The following RPSA variants were observed in gnomAD, a reference collection of about 807,000 sequenced individuals.
RPSA encodes the protein ribosomal protein SA.
For missense variants in RPSA, 140 were observed against 372.8 expected, an observed-to-expected ratio of 0.38 and a Z score of 5.14; for synonymous variants, 103 against 126.7, an observed-to-expected ratio of 0.81 and a Z score of 1.25.
At chr3:39,409,037 A>G in intron 3 of RPSA, 2 of 278,390 alleles carry the variant, frequency 7.2e-6, no homozygotes, top group Non-Finnish European at 1.4e-5. Context: ...GTGAGCTGAG[A>G]TGCGCCACTG....
In RPSA at chr3:39,407,646, T is replaced by C. The variant is rs1803893; in HGVS notation, c.-8T>C. ...ATTCCCGTCGTAACTTAAAGGGAAA[T>C]TTTCACAATGTCCGGAGCCCTTGAT... On this transcript the variant is annotated 5_prime_UTR_variant, in exon 2 of 7. Coordinates refer to ENST00000301821, the MANE Select transcript of RPSA (RefSeq NM_002295.6). 774,832 of 1,581,046 alleles carry C rather than the reference T, an allele frequency of 0.49. 193,633 individuals carry two copies. Among genetic ancestry groups the C allele is most frequent in the African/African-American group, 0.53 (39,662 of 74,600 alleles).
Position 39,410,978 on chromosome 3 carries a change from T to C in RPSA, c.477T>C (p.Ile159=). ...ATTCTCCTCTGCGCTATGTGGACAT[T>C]GCCATCCCATGCAACAACAAGGTAA... The part of the protein sequence containing the change: ...NTDSPLRYVD[I]AIPCNNKGAH... Residue 159 remains isoleucine (I), a synonymous_variant, in exon 4 of 7, where the codon ATT becomes ATC. Transcript: ENST00000301821. 6.3e-7 allele frequency: 1 copy of C among 1,599,682 alleles called. No individual in the cohort carries two copies. Among genetic ancestry groups the C allele is most frequent in the South Asian group, 1.1e-5 (1 of 91,080 alleles).
rs752449035 is a variant in RPSA, at chr3:39,411,164, C to G, written c.498+165C>G. The G allele has an allele frequency of 1.4e-4, 114 of 813,222 alleles. No individual in the cohort carries two copies. In the East Asian group the frequency reaches 2.7e-3, roughly 20 times the overall value. 50.4% of individuals were successfully genotyped at this position (813,222 alleles called of 1,614,324 possible). ...GTTTTCGCTAACACCACAAGGGTCT[C>G]TGGCCCAATGAGTGGAGTTTGATAG... On this transcript the variant is annotated intron_variant, in intron 4 of 6. Coordinates refer to ENST00000301821, the MANE Select transcript of RPSA (RefSeq NM_002295.6).
At chr3:39,410,587 A>G (rs945389558) in intron 3 of RPSA, 167 bp from the exon 4 acceptor site, 9 of 742,766 alleles carry the variant, frequency 1.2e-5, no homozygotes, top group African/African-American at 1.0e-4. Flanking sequence ...TTTTTAATGT[A>G]TGCAGGAAAT....
chr3:39,411,185 G>C lies in RPSA; in HGVS notation c.498+186G>C, dbSNP rs139033405. On this transcript the variant is annotated intron_variant, in intron 4 of 6. Transcript: ENST00000301821. ...GTCTCTGGCCCAATGAGTGGAGTTT[G>C]ATAGTAATTCTTGCTACAAGTATAA... 2.8e-4 allele frequency: 213 copies of C among 773,518 alleles called. No individual in the cohort carries two copies. The African/African-American group carries it at 3.4e-3, about 12-fold the overall frequency. The allele number at this position is 773,518 out of a possible 1,614,324, so 47.9% of individuals were successfully genotyped here.
At chr3:39,411,029 A>G (rs1164619329) in intron 4 of RPSA, 30 bp downstream of exon 4, 2 of 1,598,734 alleles carry the variant, frequency 1.3e-6, no homozygotes, top group East Asian at 4.5e-5. Flanking sequence ...GAGTTTGTGA[A>G]TGCGTGCTCT....
At chr3:39,410,699 G>A (rs2041993255) in intron 3 of RPSA, 55 bp from the exon 4 acceptor site, 3 of 1,612,194 alleles carry the variant, frequency 1.9e-6, no homozygotes, top group Non-Finnish European at 2.5e-6. Flanking sequence ...CTTACTGGGT[G>A]CCAGGATTGT....
intron 3 of RPSA, chr3:39,410,243 A>G (rs541187130): frequency 1.3e-5 from 2 of 158,534 alleles, no homozygotes; most frequent in African/African-American, 2.4e-5. Context: ...TTCTGTTGAG[A>G]AAACTAGTAG....
intron 2 of RPSA, chr3:39,408,008 G>C (rs2041944744): frequency 7.8e-6 from 4 of 514,184 alleles, no homozygotes. Flanking sequence ...GACTTGGGTT[G>C]GGTCATGAAC....
At chr3:39,407,890 A>G (rs1451869481) in intron 2 of RPSA, 104 bp downstream of exon 2, 9 of 824,338 alleles carry the variant, frequency 1.1e-5, no homozygotes, top group South Asian at 1.6e-5. Flanking sequence ...TCTTCCTTAA[A>G]TGAAGCCAGA....
chr3:39,412,290 G>C lies in RPSA; in HGVS notation c.810G>C (p.Gln270His). Residue 270 changes from glutamine to histidine, a missense_variant, in exon 7 of 7, where the codon CAG becomes CAC. By Grantham distance (24) the Gln-to-His change is conservative (BLOSUM62 0). Coordinates refer to ENST00000301821, the MANE Select transcript of RPSA (RefSeq NM_002295.6). The stretch of plus-strand genomic sequence containing the variant: ...TCTTAACAGAAGACTGGAGCGCTCA[G>C]CCTGCCACGGAAGACTGGTCTGCAG... ...QQFPTEDWSA[Q>H]PATEDWSAAP... 1 of 1,611,088 alleles carries C rather than the reference G, an allele frequency of 6.2e-7. No individual in the cohort carries two copies. The highest frequency in any genetic ancestry group is 8.5e-7 in the Non-Finnish European group (1 of 1,177,500).
chr3:39,408,464 C>A (rs1183573047), intron 2 of RPSA, 142 bp from the exon 3 acceptor site: 1 of 777,808 alleles, frequency 1.3e-6, no homozygotes, highest in South Asian at 1.4e-5. Flanking sequence ...TGTGCTATAT[C>A]AATGGCAGGA....
chr3:39,412,429 G>A lies in RPSA; in HGVS notation c.*61G>A, dbSNP rs1313373578. 1 of 926,270 alleles carries A rather than the reference G, an allele frequency of 1.1e-6. No homozygotes were observed. Among genetic ancestry groups the A allele is most frequent in the Non-Finnish European group, 1.7e-6 (1 of 598,400 alleles). The allele number at this position is 926,270 out of a possible 1,614,324, so 57.4% of individuals were successfully genotyped here. A position where few individuals can be genotyped will look rare whatever the true frequency, so the allele number is the denominator to read the frequency against. On this transcript the variant is annotated 3_prime_UTR_variant, in exon 7 of 7. Transcript: ENST00000301821. ...AATGGTTGATGGAAAATAAACATCAGTTTCTAAAAGTTGTCTTCATTTAGT... is the reference window on the plus strand; with the variant it reads ...AATGGTTGATGGAAAATAAACATCAATTTCTAAAAGTTGTCTTCATTTAGT...
chr3:39,406,830 G>A (rs1168860672), intron 1 of RPSA, 66 bp downstream of exon 1: 2 of 455,898 alleles, frequency 4.4e-6, no homozygotes, highest in Non-Finnish European at 8.8e-6. Flanking sequence ...CTGCTCAAAT[G>A]AAGGGTGAGA....
rs2724 is a variant in RPSA at position 39,412,284 on chromosome 3, C to T, written c.804C>T (p.Ser268=). The T allele has an allele frequency of 4.7e-5, 75 of 1,610,060 alleles. No individual in the cohort carries two copies. The highest frequency in any genetic ancestry group is 7.7e-5 in the South Asian group (7 of 90,968). The change falls in exon 7 of 7, where the codon AGC becomes AGT. Residue 268 remains serine, a synonymous_variant. Coordinates refer to ENST00000301821, the MANE Select transcript of RPSA (RefSeq NM_002295.6). ...GTATTCTCTTAACAGAAGACTGGAGCGCTCAGCCTGCCACGGAAGACTGGT... is the reference window on the plus strand; with the variant it reads ...GTATTCTCTTAACAGAAGACTGGAGTGCTCAGCCTGCCACGGAAGACTGGT... ...PIQQFPTEDW[S]AQPATEDWSA... is the part of the protein sequence containing the mutation.
At chr3:39,408,470 C>T (rs776218441) in intron 2 of RPSA, 136 bp from the exon 3 acceptor site, 22 of 778,936 alleles carry the variant, frequency 2.8e-5, no homozygotes, top group Non-Finnish European at 4.5e-5. Flanking sequence ...ATATCAATGG[C>T]AGGATTTTCG....
intron 3 of RPSA, chr3:39,410,132 C>T (rs2041983737): frequency 6.2e-6 from 1 of 161,724 alleles, no homozygotes; most frequent in Admixed American, 5.7e-5. Flanking sequence ...CAAAGAGAAC[C>T]TCTGCCAACT....
chr3:39,407,964 C>T (rs940742385), intron 2 of RPSA, 178 bp downstream of exon 2: 66 of 579,512 alleles, frequency 1.1e-4, no homozygotes, highest in African/African-American at 1.1e-3. Flanking sequence ...ATTTCTGCTC[C>T]AGGGGAGGAA....
chr3:39,411,034 T>C, intron 4 of RPSA, 35 bp downstream of exon 4: 2 of 1,598,230 alleles, frequency 1.3e-6, no homozygotes, highest in Non-Finnish European at 1.7e-6. Context: ...TGTGAATGCG[T>C]GCTCTAGAAA....
Sources: allele counts gnomAD v4.1 joint callset, GRCh38; gene constraint gnomAD v4.1.1; transcripts MANE v1.5; gene names NCBI Gene and HGNC (gene_info 2026-07-23, HGNC 2026-07-21).